The following ADRA1D variants were observed in gnomAD, a reference collection of about 807,000 sequenced individuals.
ADRA1D encodes alpha-1D adrenergic receptor.
A neutral mutation model predicts 18.6 loss-of-function variants in ADRA1D; 22 were observed. That is an observed-to-expected ratio of 1.19 (90% confidence interval 0.85 to 1.69). The LOEUF is 1.69. Ranked by LOEUF, ADRA1D falls within the 40% of genes most tolerant of loss-of-function variation. The pLI is 0.00. For synonymous variants in ADRA1D, 376 were observed against 388.2 expected (o/e 0.97, Z 0.37); for missense variants, 840 against 840.7 (o/e 1.00, Z 0.01).
At chr20:4,243,990 C>A (rs760306306) in intron 1 of ADRA1D, among the ~76,000 whole-genome samples, 1 of 152,198 alleles carries the variant, frequency 6.6e-6, no homozygotes, top group Non-Finnish European at 1.5e-5. Flanking sequence ...TGACTTGGGT[C>A]CTTAGATGCC....
At chr20:4,247,784 C>A in intron 1 of ADRA1D, 63 bp downstream of exon 1, 1 of 1,424,084 alleles carries the variant, frequency 7.0e-7, no homozygotes, top group East Asian at 2.7e-5. Flanking sequence ...GTCTGGGTGC[C>A]AGGAGGGCAC....
chr20:4,223,949 G>C (rs942240694), intron 1 of ADRA1D, among the ~76,000 whole-genome samples: 1 of 152,196 alleles, frequency 6.6e-6, no homozygotes, highest in South Asian at 2.1e-4. Context: ...CTGCAGCTGT[G>C]TGTGCATGTA....
chr20:4,241,297 G>T (rs902405300), intron 1 of ADRA1D, among the ~76,000 whole-genome samples: 2 of 152,144 alleles, frequency 1.3e-5, no homozygotes, highest in South Asian at 2.1e-4. Context: ...GTTTCAGTTT[G>T]GCAAGATAGA....
chr20:4,234,515 C>A (rs914641416), intron 1 of ADRA1D, among the ~76,000 whole-genome samples: 13 of 152,234 alleles, frequency 8.5e-5, no homozygotes, highest in African/African-American at 2.9e-4. Flanking sequence ...CACAGAGATA[C>A]ACAGGAGTAA....
At chr20:4,241,016 A>G (rs1019129281) in intron 1 of ADRA1D, among the ~76,000 whole-genome samples, 3 of 152,356 alleles carry the variant, frequency 2.0e-5, no homozygotes, top group Admixed American at 2.0e-4. Context: ...TAATTACTCA[A>G]TAAATATTAA....
At position 4,242,958 on chromosome 20, in the gene ADRA1D, G is replaced by A. The variant is rs12480855; in HGVS notation, c.1111+4889C>T. 1.0e-3 allele frequency among the ~76,000 whole-genome samples: 154 copies of A among 152,172 alleles called. 2 individuals carry two copies. The highest frequency in any genetic ancestry group is 7.2e-3 in the Admixed American group (110 of 15,286). On this transcript the variant is annotated intron_variant, in intron 1 of 1. Transcript: ENST00000379453. ...CTTACCAGGCAGCCCAAACCCAAAC[G>A]CAGTGAGATGCTGCCGCCATGAAAA...
At chr20:4,228,923 C>T (rs1418189843) in intron 1 of ADRA1D, among the ~76,000 whole-genome samples, 1 of 152,172 alleles carries the variant, frequency 6.6e-6, no homozygotes, top group Non-Finnish European at 1.5e-5. Context: ...TCTCCTTGTC[C>T]CCACCTGACC....
intron 1 of ADRA1D, among the ~76,000 whole-genome samples, chr20:4,244,485 C>T (rs1213737008): frequency 2.0e-5 from 3 of 152,180 alleles, no homozygotes; most frequent in African/African-American, 7.2e-5. Flanking sequence ...TGGGAGACTG[C>T]ACTCCATGCT....
intron 1 of ADRA1D, among the ~76,000 whole-genome samples, chr20:4,226,217 A>G (rs1980796679): frequency 6.6e-6 from 1 of 152,230 alleles, no homozygotes; most frequent in Non-Finnish European, 1.5e-5. Flanking sequence ...TGCTCAACCA[A>G]CCTGAAGTCT....
intron 1 of ADRA1D, among the ~76,000 whole-genome samples, chr20:4,227,779 T>TC (rs760727292): frequency 2.9e-4 from 41 of 140,258 alleles, no homozygotes; most frequent in Non-Finnish European, 4.6e-4. Flanking sequence ...TCTCTTTCTT[T>TC]CTTTTTTTTT....
intron 1 of ADRA1D, among the ~76,000 whole-genome samples, chr20:4,234,793 A>T (rs1331056031): frequency 6.6e-6 from 1 of 152,224 alleles, no homozygotes; most frequent in Non-Finnish European, 1.5e-5. Context: ...CCTGTGAGGG[A>T]GTGAGCCATG....
At chr20:4,223,244 C>T (rs1482628755) in intron 1 of ADRA1D, among the ~76,000 whole-genome samples, 1 of 152,186 alleles carries the variant, frequency 6.6e-6, no homozygotes, top group African/African-American at 2.4e-5. Context: ...TACCTTAATG[C>T]AGAAGCATAT....
rs1296999737 is a variant in ADRA1D at position 4,248,220 on chromosome 20, GCAGAAGCGCTCGT to G, written c.725_737del (p.Asp242AlafsTer132). The G allele has an allele frequency of 3.8e-6, 6 of 1,599,060 alleles. No homozygotes were observed. The highest frequency in any genetic ancestry group is 5.1e-6 in the Non-Finnish European group (6 of 1,173,144). On this transcript the variant is annotated frameshift_variant, in exon 1 of 2. Coordinates refer to ENST00000379453, the MANE Select transcript of ADRA1D (RefSeq NM_000678.4). LOFTEE classifies it high-confidence loss of function. ...CGTAGCCCGCCTCCTCGGTGATACCGCAGAAGCGCTCGTCAGGGGGCACGGGCTCCTTCCAGCC... is the reference window on the plus strand; with the variant it reads ...CGTAGCCCGCCTCCTCGGTGATACCGCAGGGGGCACGGGCTCCTTCCAGCC...
chr20:4,241,173 C>T (rs145913519), intron 1 of ADRA1D, among the ~76,000 whole-genome samples: 77 of 152,144 alleles, frequency 5.1e-4, no homozygotes, highest in African/African-American at 1.8e-3. Context: ...TGCATGATTC[C>T]ACTTACATGG....
intron 1 of ADRA1D, among the ~76,000 whole-genome samples, chr20:4,224,717 G>T (rs1422219285): frequency 9.6e-6 from 1 of 104,168 alleles, no homozygotes; most frequent in Non-Finnish European, 2.2e-5. Flanking sequence ...CCAGGGGTAG[G>T]GGGGGGTCCT....
chr20:4,243,581 C>T lies in ADRA1D; in HGVS notation c.1111+4266G>A, dbSNP rs77977370. 7.9e-5 allele frequency among the ~76,000 whole-genome samples: 12 copies of T among 152,256 alleles called. No homozygotes were observed. In the East Asian group the frequency reaches 1.5e-3, roughly 20 times the overall value. ...AGGGGAGCACTACTAGCTATCCCAC[C>T]GGTCACAGGCAAGGAACGGGACTGT... On this transcript the variant is annotated intron_variant, in intron 1 of 1. Transcript: ENST00000379453.
At chr20:4,229,032 T>G (rs1208757068) in intron 1 of ADRA1D, among the ~76,000 whole-genome samples, 1 of 152,228 alleles carries the variant, frequency 6.6e-6, no homozygotes, top group Admixed American at 6.5e-5. Context: ...TCATCTCATC[T>G]GTGGCTTCCC....
intron 1 of ADRA1D, among the ~76,000 whole-genome samples, chr20:4,231,090 T>TCTTTCTTTCTCTCTCTCTCTC (rs1318670027): frequency 1.8e-4 from 12 of 67,748 alleles, no homozygotes; most frequent in African/African-American, 9.7e-4. Flanking sequence ...CTCTTTTCTT[T>TCTTTCTTTCTCTCTCTCTCTC]TCTTTTCTTT....
At chr20:4,225,349 T>TGAA (rs1980770085) in intron 1 of ADRA1D, among the ~76,000 whole-genome samples, 2 of 151,580 alleles carry the variant, frequency 1.3e-5, no homozygotes, top group South Asian at 4.2e-4. Context: ...AGGAATTTTG[T>TGAA]GAAGATTCAT....
Sources: gnomAD v4.1 joint callset for allele counts (sites outside exome capture counted in the v4.1 genomes callset) on GRCh38, gnomAD v4.1.1 for gene constraint, MANE v1.5 for transcripts, NCBI Gene and HGNC (gene_info 2026-07-23, HGNC 2026-07-21) for gene names.